Variants in TRAPPC9 observed in about 807,000 individuals in gnomAD.
TRAPPC9 encodes IKK2 binding protein.
Under a neutral mutation model 124.0 loss-of-function variants are expected in TRAPPC9, and 83 were observed. The observed-to-expected ratio is 0.67, with a 90% CI of 0.56 to 0.80. The LOEUF is 0.80. Among genes scored for constraint, TRAPPC9 ranks in the 30% least tolerant of loss-of-function variants. TRAPPC9 has a pLI of 0.00. For synonymous variants in TRAPPC9, 638 were observed against 617.5 expected (o/e 1.03, Z -0.49); for missense variants, 1,302 against 1,508.3 (o/e 0.86, Z 2.27).
chr8:139,789,477 C>G (rs4736093), intron 21 of TRAPPC9, among the ~76,000 whole-genome samples: 20 of 152,244 alleles, frequency 1.3e-4, no homozygotes, highest in East Asian at 9.7e-4. Flanking sequence ...TCATCCCCCC[C>G]CAGGATATCT....
intron 17 of TRAPPC9, among the ~76,000 whole-genome samples, chr8:140,083,122 G>T (rs1484472879): frequency 2.6e-5 from 4 of 152,288 alleles, no homozygotes; most frequent in Admixed American, 2.6e-4. Context: ...GAACCTGGAA[G>T]GCGGAGGTTG....
At chr8:139,859,128 C>T (rs1302602086) in intron 21 of TRAPPC9, among the ~76,000 whole-genome samples, 1 of 151,840 alleles carries the variant, frequency 6.6e-6, no homozygotes, top group Non-Finnish European at 1.5e-5. Context: ...GTTACTCCTC[C>T]AGCCCCCCGG....
At chr8:140,066,284 G>A (rs1202459668) in intron 17 of TRAPPC9, among the ~76,000 whole-genome samples, 1 of 152,228 alleles carries the variant, frequency 6.6e-6, no homozygotes, top group Non-Finnish European at 1.5e-5. Flanking sequence ...GGGAGACATG[G>A]GAGCAGTAAG....
chr8:140,018,946 T>G (rs969222590), intron 18 of TRAPPC9, among the ~76,000 whole-genome samples: 2 of 152,238 alleles, frequency 1.3e-5, no homozygotes, highest in African/African-American at 4.8e-5. Context: ...TGGGGTTTCT[T>G]GTAGATGGCC....
At chr8:140,122,511 C>G (rs974364549) in intron 17 of TRAPPC9, among the ~76,000 whole-genome samples, 1 of 152,220 alleles carries the variant, frequency 6.6e-6, no homozygotes, top group African/African-American at 2.4e-5. Flanking sequence ...GTGCCTATAT[C>G]TGCTATTTAT....
intron 17 of TRAPPC9, among the ~76,000 whole-genome samples, chr8:140,180,697 T>A (rs932911586): frequency 1.4e-4 from 19 of 134,364 alleles, no homozygotes; most frequent in Middle Eastern, 3.8e-3. Context: ...TTTTTTTTTT[T>A]ACCAAGTGAA....
chr8:140,265,056 C>T (rs930073527), intron 15 of TRAPPC9, among the ~76,000 whole-genome samples: 2 of 152,114 alleles, frequency 1.3e-5, no homozygotes, highest in Non-Finnish European at 2.9e-5. Flanking sequence ...CTGGACAACC[C>T]GAAGCGACAG....
rs570570380 is a variant in TRAPPC9, at chr8:140,435,792, C to T, written c.731-552G>A. Among the ~76,000 whole-genome samples, 6 of 152,312 alleles carry T rather than the reference C, an allele frequency of 3.9e-5. No individual in the cohort carries two copies. The South Asian group carries it at 6.2e-4, about 16-fold the overall frequency. The stretch of plus-strand genomic sequence containing the variant: ...AGCCATATTAACTCGCTACACAGTC[C>T]GTTCTTCTCTCATGACGTAACAACC... On this transcript the variant is annotated intron_variant, in intron 3 of 22. Coordinates refer to ENST00000438773, the MANE Select transcript of TRAPPC9 (RefSeq NM_001160372.4).
At chr8:139,891,880 T>C (rs1171266623) in intron 20 of TRAPPC9, among the ~76,000 whole-genome samples, 1 of 152,154 alleles carries the variant, frequency 6.6e-6, no homozygotes, top group Non-Finnish European at 1.5e-5. Context: ...CATTATCTAA[T>C]TTACAGAGAA....
intron 19 of TRAPPC9, among the ~76,000 whole-genome samples, chr8:139,937,154 G>A (rs570503854): frequency 2.0e-5 from 3 of 152,276 alleles, no homozygotes; most frequent in African/African-American, 4.8e-5. Flanking sequence ...GGAGGGGGCT[G>A]CTTTAGCCCC....
intron 7 of TRAPPC9, among the ~76,000 whole-genome samples, chr8:140,381,302 G>A: frequency 6.6e-6 from 1 of 151,826 alleles, no homozygotes; most frequent in East Asian, 1.9e-4. Context: ...ATCTGGTAAG[G>A]GACTAGTATC....
At chr8:140,397,859 G>A (rs779962049) in intron 6 of TRAPPC9, 114 bp from the exon 7 acceptor site, 11 of 1,376,812 alleles carry the variant, frequency 8.0e-6, no homozygotes, top group Admixed American at 5.2e-5. Context: ...CCCCATCACA[G>A]GGCTCCAGAT....
At chr8:140,057,480 T>C (rs953652211) in intron 17 of TRAPPC9, among the ~76,000 whole-genome samples, 24 of 152,212 alleles carry the variant, frequency 1.6e-4, no homozygotes, top group African/African-American at 5.5e-4. Context: ...ATGTGGTCGA[T>C]AAATACAATG....
At chr8:140,045,883 G>A (rs978717525) in intron 17 of TRAPPC9, among the ~76,000 whole-genome samples, 4 of 151,970 alleles carry the variant, frequency 2.6e-5, no homozygotes, top group African/African-American at 4.8e-5. Context: ...TAAGAAAAAC[G>A]AAAAGCAGTT....
intron 17 of TRAPPC9, among the ~76,000 whole-genome samples, chr8:140,138,701 C>A (rs1563790498): frequency 6.6e-6 from 1 of 152,196 alleles, no homozygotes; most frequent in Non-Finnish European, 1.5e-5. Flanking sequence ...CAGTATAAAC[C>A]AGCAGAGATA....
intron 17 of TRAPPC9, among the ~76,000 whole-genome samples, chr8:140,208,821 T>G (rs1370673097): frequency 2.0e-5 from 3 of 152,200 alleles, no homozygotes; most frequent in Non-Finnish European, 2.9e-5. Context: ...CAGGTCTGCT[T>G]AGAAGCAGAT....
intron 7 of TRAPPC9, among the ~76,000 whole-genome samples, chr8:140,379,635 A>G (rs2068546559): frequency 6.6e-6 from 1 of 152,202 alleles, no homozygotes; most frequent in Admixed American, 6.5e-5. Context: ...AGAATTATTT[A>G]TTGCAATTAA....
At chr8:140,363,232 T>G (rs545958498) in intron 8 of TRAPPC9, among the ~76,000 whole-genome samples, 12 of 152,338 alleles carry the variant, frequency 7.9e-5, no homozygotes, top group Admixed American at 7.2e-4. Flanking sequence ...CAAATAAGAT[T>G]TAAATGATAC....
At chr8:140,042,427 G>A (rs143842331) in intron 17 of TRAPPC9, among the ~76,000 whole-genome samples, 4 of 152,282 alleles carry the variant, frequency 2.6e-5, no homozygotes, top group South Asian at 2.1e-4. Flanking sequence ...GCCACCTTGC[G>A]GAACACACGC....
Sources: gnomAD v4.1 joint callset for allele counts (sites outside exome capture counted in the v4.1 genomes callset) on GRCh38, gnomAD v4.1.1 for gene constraint, MANE v1.5 for transcripts, NCBI Gene and HGNC (gene_info 2026-07-23, HGNC 2026-07-21) for gene names.